The following BUD23 variants were observed in gnomAD, a reference collection of about 807,000 sequenced individuals.
BUD23 encodes BUD23 rRNA methyltransferase and ribosome maturation factor.
In BUD23, 34 loss-of-function variants were observed where a neutral mutation model predicts 47.0. The ratio of observed to expected loss-of-function variants is 0.72; its 90% CI spans 0.55 to 0.96. The LOEUF (loss-of-function observed/expected upper bound fraction) is 0.96. Ranked by LOEUF, BUD23 falls within the 40% of genes least tolerant of loss-of-function variation. The pLI, the probability that BUD23 is intolerant of heterozygous loss-of-function variation, is 0.00. For missense variants in BUD23, 343 were observed against 361.2 expected (o/e 0.95, Z 0.41); for synonymous variants, 124 against 132.0 (o/e 0.94, Z 0.41).
chr7:73,697,791 A>T lies in BUD23; in HGVS notation c.792-41A>T, dbSNP rs138430207. On this transcript the variant is annotated intron_variant, in intron 11 of 11. Coordinates refer to ENST00000265758, the MANE Select transcript of BUD23 (RefSeq NM_017528.5). The stretch of plus-strand genomic sequence containing the variant: ...ATTTGAAGGGTCCAGGGCTGCTTTG[A>T]TCTTTTTTTTCTGAGACTGTCCTAT... 155 of 1,611,854 alleles carry T rather than the reference A, an allele frequency of 9.6e-5. 1 individual carries two copies. In the African/African-American group the frequency reaches 2.0e-3, roughly 21 times the overall value.
At position 73,692,716 on chromosome 7, in the gene BUD23, G is replaced by A. The variant is rs1010411367; in HGVS notation, c.510+70G>A. On this transcript the variant is annotated intron_variant, in intron 7 of 11. Coordinates refer to ENST00000265758, the MANE Select transcript of BUD23 (RefSeq NM_017528.5). ...AACAGGTAAGCTGTCCTGGGGAAGC[G>A]ACAAAGAATCTTATGCAGATTGGCG... 6.1e-6 allele frequency: 9 copies of A among 1,473,732 alleles called. No individual in the cohort carries two copies. The Admixed American group carries it at 1.1e-4, about 18-fold the overall frequency. The allele number at this position is 1,473,732 out of a possible 1,614,324, so 91.3% of individuals were successfully genotyped here. A position where few individuals can be genotyped will look rare whatever the true frequency, so the allele number is the denominator to read the frequency against.
chr7:73,693,172 C>T (rs1027865771), intron 7 of BUD23, 157 bp from the exon 8 acceptor site: 4 of 681,630 alleles, frequency 5.9e-6, no homozygotes, highest in Non-Finnish European at 1.1e-5. Context: ...ATGCCAGATT[C>T]TAGCCTGTAC....
chr7:73,689,494 G>C (rs1798106279), intron 5 of BUD23, among the ~76,000 whole-genome samples: 1 of 152,086 alleles, frequency 6.6e-6, no homozygotes, highest in African/African-American at 2.4e-5. Context: ...TGAATATAAG[G>C]GCATGAGTGG....
intron 2 of BUD23, 147 bp downstream of exon 2, chr7:73,683,951 A>G (rs1797836071): frequency 6.4e-7 from 1 of 1,552,306 alleles, no homozygotes; most frequent in Non-Finnish European, 8.7e-7. Flanking sequence ...TCTCTGGTAA[A>G]TCAACTTTAA....
intron 5 of BUD23, among the ~76,000 whole-genome samples, chr7:73,687,425 C>T (rs11763905): frequency 0.26 from 39,963 of 152,052 alleles, 6,392 homozygotes; most frequent in South Asian, 0.35. Context: ...TACAGGAGCA[C>T]GCCACCACAC....
At chr7:73,691,040 G>T (rs782678646) in intron 6 of BUD23, 28 bp downstream of exon 6, 1 of 1,599,968 alleles carries the variant, frequency 6.3e-7, no homozygotes, top group Non-Finnish European at 8.6e-7. Flanking sequence ...TCCCCATCTG[G>T]GTTAGCTGCC....
intron 10 of BUD23, 139 bp downstream of exon 10, chr7:73,694,189 TC>T: frequency 1.1e-6 from 1 of 917,722 alleles, no homozygotes; most frequent in Non-Finnish European, 1.6e-6. Flanking sequence ...AAACATCAGG[TC>T]CCATTTGGAC....
intron 9 of BUD23, 87 bp downstream of exon 9, chr7:73,693,756 C>A: frequency 6.4e-7 from 1 of 1,560,314 alleles, no homozygotes; most frequent in Non-Finnish European, 8.8e-7. Context: ...TGGGAGAACA[C>A]TGGTGGGGAA....
rs782698833 is a variant in BUD23 at position 73,693,983 on chromosome 7, T to A, written c.643-9T>A. The A allele has an allele frequency of 3.1e-6, 5 of 1,611,786 alleles. No individual in the cohort carries two copies. In the South Asian group the frequency reaches 5.5e-5, roughly 18 times the overall value. The stretch of plus-strand genomic sequence containing the variant: ...CCAGGGTGACCTGAGTGCACTTTGG[T>A]TCCTGCAGGGGCTGAGTGAAAATCA... On this transcript the variant is annotated splice_polypyrimidine_tract_variant and intron_variant, in intron 9 of 11. Transcript: ENST00000265758.
At position 73,683,620 on chromosome 7, in the gene BUD23, G is replaced by C; in HGVS notation, c.-6G>C. 1.2e-6 allele frequency: 2 copies of C among 1,608,092 alleles called. No homozygotes were observed. Among genetic ancestry groups the C allele is most frequent in the South Asian group, 1.1e-5 (1 of 90,734 alleles). On this transcript the variant is annotated 5_prime_UTR_variant, in exon 1 of 12. Coordinates refer to ENST00000265758, the MANE Select transcript of BUD23 (RefSeq NM_017528.5). ...CCAGTCGCAGGTGTGCTGCTGAGGC[G>C]TGAGAATGGCGTCCCGCGGCCGGCG...
chr7:73,687,089 G>C lies in BUD23; in HGVS notation c.356G>C (p.Cys119Ser), dbSNP rs782812839. ...IPFKPGTFDG[C>S]ISISAVQWLC... is the part of the protein sequence containing the mutation. ...TTCAAGCCAGGCACATTTGATGGTT[G>C]CATCAGGTGAGGGTCTTTAATTCCT... is the stretch of plus-strand genomic sequence containing the variant. The change falls in exon 5 of 12, where the codon TGC becomes TCC. Residue 119 changes from cysteine (C) to serine (S), a missense_variant. By Grantham distance (112) the Cys-to-Ser change is moderately radical. Transcript: ENST00000265758. 5 of 1,613,456 alleles carry C rather than the reference G, an allele frequency of 3.1e-6. No homozygotes were observed. Among genetic ancestry groups the C allele is most frequent in the African/African-American group, 1.3e-5 (1 of 75,006 alleles).
chr7:73,693,283 C>T (rs782741964), intron 7 of BUD23, 46 bp from the exon 8 acceptor site: 122 of 1,547,220 alleles, frequency 7.9e-5, no homozygotes, highest in Non-Finnish European at 1.1e-4. Flanking sequence ...AAGCTGTCTG[C>T]TCCTCTCAAC....
In BUD23 at chr7:73,690,979, G is replaced by A. The variant is rs569881079; in HGVS notation, c.426G>A (p.Leu142=). The part of the protein sequence containing the change: ...NKKSENPAKR[L]YCFFASLFSV... The stretch of plus-strand genomic sequence containing the variant: ...AGTCTGAAAACCCTGCCAAGCGCCT[G>A]TACTGCTTTTTTGCTTCTCTTTTTT... The change falls in exon 6 of 12, where the codon CTG becomes CTA. Residue 142 remains leucine (L), a synonymous_variant. Coordinates refer to ENST00000265758, the MANE Select transcript of BUD23 (RefSeq NM_017528.5). The A allele has an allele frequency of 6.2e-6, 10 of 1,614,210 alleles. No homozygotes were observed. In the South Asian group the frequency reaches 1.1e-4, roughly 18 times the overall value.
At chr7:73,691,125 C>T (rs782275286) in intron 6 of BUD23, 113 bp downstream of exon 6, 45 of 889,848 alleles carry the variant, frequency 5.1e-5, no homozygotes, top group East Asian at 2.0e-4. Context: ...CATATGGGAC[C>T]GCATGGGGTG....
At chr7:73,687,477 A>C (rs545042659) in intron 5 of BUD23, among the ~76,000 whole-genome samples, 3 of 152,080 alleles carry the variant, frequency 2.0e-5, no homozygotes, top group African/African-American at 7.2e-5. Context: ...AGGTTTCACT[A>C]TGTTGGCCGG....
intron 7 of BUD23, chr7:73,692,953 G>A: frequency 1.8e-6 from 1 of 545,444 alleles, no homozygotes; most frequent in Non-Finnish European, 3.3e-6. Flanking sequence ...GTTCTCCGTT[G>A]TGTGATGTAT....
intron 10 of BUD23, chr7:73,697,317 G>T: frequency 3.4e-6 from 3 of 875,408 alleles, no homozygotes; most frequent in Non-Finnish European, 5.2e-6. Context: ...CTGCTTAGCT[G>T]CTTCCCGAAG....
intron 2 of BUD23, chr7:73,684,114 T>C: frequency 2.6e-6 from 2 of 774,904 alleles, no homozygotes; most frequent in Non-Finnish European, 3.9e-6. Flanking sequence ...GAGGGGTCAG[T>C]CCTGGTGGGG....
At chr7:73,687,258 G>A (rs1798010779) in intron 5 of BUD23, among the ~76,000 whole-genome samples, 163 bp downstream of exon 5, 1 of 152,054 alleles carries the variant, frequency 6.6e-6, no homozygotes, top group African/African-American at 2.4e-5. Context: ...GGGACTACAG[G>A]CCCACACCAC....
Sources: allele counts gnomAD v4.1 joint callset (sites outside exome capture counted in the v4.1 genomes callset), GRCh38; gene constraint gnomAD v4.1.1; transcripts MANE v1.5; gene names NCBI Gene and HGNC (gene_info 2026-07-23, HGNC 2026-07-21).